The following TP63 variants were observed in gnomAD, a reference collection of about 807,000 sequenced individuals.
TP63 encodes the protein tumor protein 63.
TP63 carries 17 observed loss-of-function variants against 82.8 expected under a neutral mutation model. The observed-to-expected ratio is 0.21, with a 90% CI of 0.14 to 0.31. TP63 has a LOEUF of 0.31. Among genes scored for constraint, TP63 ranks in the 10% least tolerant of loss-of-function variants. The pLI is 1.00. For missense variants in TP63, 648 were observed against 895.3 expected (o/e 0.72, Z 3.52); for synonymous variants, 330 against 321.7 (o/e 1.03, Z -0.28).
chr3:189,676,234 CATT>C (rs1715385363), intron 1 of TP63, among the ~76,000 whole-genome samples: 1 of 152,064 alleles, frequency 6.6e-6, no homozygotes. Flanking sequence ...TAACTATACT[CATT>C]ATGCTGTACA....
At chr3:189,737,069 A>T (rs1720648021) in intron 1 of TP63, among the ~76,000 whole-genome samples, 1 of 152,164 alleles carries the variant, frequency 6.6e-6, no homozygotes, top group African/African-American at 2.4e-5. Context: ...CAGAAATAGG[A>T]TTCATTTGCA....
chr3:189,738,810 C>A, intron 3 of TP63, 36 bp downstream of exon 3: 1 of 1,612,148 alleles, frequency 6.2e-7, no homozygotes, highest in Non-Finnish European at 8.5e-7. Context: ...GTCTTTGGGC[C>A]ATGCTATCTA....
intron 4 of TP63, among the ~76,000 whole-genome samples, chr3:189,858,971 C>T (rs903340286): frequency 4.6e-5 from 7 of 151,634 alleles, no homozygotes; most frequent in Non-Finnish European, 7.4e-5. Flanking sequence ...GAAGGGGACA[C>T]GGGGTGAGGG....
At chr3:189,881,038 T>C (rs542668381) in intron 10 of TP63, 1 of 985,416 alleles carries the variant, frequency 1.0e-6, no homozygotes. Context: ...TGTTTACCAT[T>C]ATTCAAAGCT....
At chr3:189,886,087 G>T (rs1307731320) in intron 10 of TP63, among the ~76,000 whole-genome samples, 1 of 152,110 alleles carries the variant, frequency 6.6e-6, no homozygotes, top group Non-Finnish European at 1.5e-5. Flanking sequence ...AGAGGAGAAG[G>T]GAATGGAGAA....
chr3:189,727,426 CAA>C (rs999982813), intron 1 of TP63, among the ~76,000 whole-genome samples: 2 of 152,196 alleles, frequency 1.3e-5, no homozygotes, highest in African/African-American at 4.8e-5. Context: ...AGTTGTCTGA[CAA>C]AGAGTGAGCA....
intron 4 of TP63, among the ~76,000 whole-genome samples, chr3:189,824,557 C>G (rs973491517): frequency 1.3e-5 from 2 of 152,018 alleles, no homozygotes; most frequent in African/African-American, 2.4e-5. Context: ...TAGGCTGTGC[C>G]GGGGCTGCTG....
chr3:189,872,428 C>G (rs1718543729), intron 9 of TP63, among the ~76,000 whole-genome samples: 1 of 150,920 alleles, frequency 6.6e-6, no homozygotes, highest in African/African-American at 2.5e-5. Flanking sequence ...CACACACACA[C>G]ACACATATTT....
intron 3 of TP63, among the ~76,000 whole-genome samples, chr3:189,773,638 A>G (rs1046343378): frequency 1.3e-5 from 2 of 152,220 alleles, no homozygotes; most frequent in African/African-American, 4.8e-5. Flanking sequence ...AACATAGACT[A>G]GAATAATTTT....
At position 189,765,310 on chromosome 3, in the gene TP63, T is replaced by G. The variant is rs1405405591; in HGVS notation, c.324+26536T>G. Reference sequence around the variant, plus strand: ...ACAAATGTATCCCCGTATATTGTTTTTTTCCCCCCTGAGATCCAAGAATTA... The same window carrying G: ...ACAAATGTATCCCCGTATATTGTTTGTTTCCCCCCTGAGATCCAAGAATTA... On this transcript the variant is annotated intron_variant, in intron 3 of 13. Transcript: ENST00000264731. Among the ~76,000 whole-genome samples, 2 of 151,922 alleles carry G rather than the reference T, an allele frequency of 1.3e-5. 1 individual carries two copies. The highest frequency in any genetic ancestry group is 4.2e-4 in the South Asian group (2 of 4,812).
chr3:189,753,331 G>T (rs1282744881), intron 3 of TP63, among the ~76,000 whole-genome samples: 1 of 151,560 alleles, frequency 6.6e-6, no homozygotes, highest in Non-Finnish European at 1.5e-5. Flanking sequence ...TCCCTTGTTG[G>T]GTATGTCATA....
At chr3:189,728,186 A>T (rs913960069) in intron 1 of TP63, among the ~76,000 whole-genome samples, 1 of 145,390 alleles carries the variant, frequency 6.9e-6, no homozygotes, top group African/African-American at 2.6e-5. Context: ...AAAAAAAAAA[A>T]GGAGTAGAGA....
chr3:189,890,432 A>G (rs1386926218), intron 12 of TP63, among the ~76,000 whole-genome samples: 2 of 152,182 alleles, frequency 1.3e-5, no homozygotes, highest in East Asian at 3.8e-4. Flanking sequence ...TTCTTTTTGA[A>G]GTGTAGAGCC....
At chr3:189,631,359 T>C, upstream of TP63, 1 of 1,483,916 alleles carries the variant, frequency 6.7e-7, no homozygotes, top group Non-Finnish European at 8.9e-7. Flanking sequence ...TCTTTGCAAA[T>C]ATGTATGAAG....
At position 189,864,311 on chromosome 3, in the gene TP63, C is replaced by T; in HGVS notation, c.659C>T (p.Pro220Leu). Residue 220 changes from proline to leucine, a missense_variant, in exon 5 of 14, where the codon CCT (proline) becomes CTT (leucine). Physicochemically the swap from Pro to Leu is moderately conservative, Grantham distance 98. Transcript: ENST00000264731. ...CAGATCAAGGTGATGACCCCACCTC[C>T]TCAGGGAGCTGTTATCCGCGCCATG... ...PIQIKVMTPP[P>L]QGAVIRAMPV... 1 of 1,614,226 alleles carries T rather than the reference C, an allele frequency of 6.2e-7. No homozygotes were observed. The highest frequency in any genetic ancestry group is 8.5e-7 in the Non-Finnish European group (1 of 1,180,032).
At chr3:189,784,276 T>C (rs1724433872) in intron 3 of TP63, among the ~76,000 whole-genome samples, 1 of 152,096 alleles carries the variant, frequency 6.6e-6, no homozygotes, top group Admixed American at 6.6e-5. Context: ...AAAATACTGT[T>C]ATTACAATCA....
At chr3:189,615,348 C>T in the TP63 span, among the ~76,000 whole-genome samples, 3 of 152,200 alleles carry the variant, frequency 2.0e-5, no homozygotes, top group Non-Finnish European at 1.5e-5. Flanking sequence ...TTCAGATCAC[C>T]TCTTCAGAAA....
intron 1 of TP63, among the ~76,000 whole-genome samples, chr3:189,729,275 G>C (rs1719990382): frequency 1.3e-5 from 2 of 152,134 alleles, no homozygotes; most frequent in South Asian, 4.1e-4. Context: ...AGAGAAAAAG[G>C]ACACTCCCTC....
At chr3:189,600,121 A>G in the TP63 span, among the ~76,000 whole-genome samples, 7 of 152,176 alleles carry the variant, frequency 4.6e-5, no homozygotes, top group Non-Finnish European at 8.8e-5. Flanking sequence ...TTACTTTTAT[A>G]TTAGACAAGT....
Sources: gnomAD v4.1 joint callset for allele counts (sites outside exome capture counted in the v4.1 genomes callset) on GRCh38, gnomAD v4.1.1 for gene constraint, MANE v1.5 for transcripts, NCBI Gene and HGNC (gene_info 2026-07-23, HGNC 2026-07-21) for gene names.